Variants in ADGRG6 observed in about 807,000 individuals in gnomAD.
The protein encoded by ADGRG6 is G-protein coupled receptor 126.
In ADGRG6, 84 loss-of-function variants were observed where a neutral mutation model predicts 142.4. That is an observed-to-expected ratio of 0.59 (90% CI 0.49 to 0.71). The LOEUF (loss-of-function observed/expected upper bound fraction) is 0.71, where lower values mean the gene tolerates loss of function less well. Among genes scored for constraint, ADGRG6 ranks in the 30% least tolerant of loss-of-function variants. The pLI, the probability that ADGRG6 is intolerant of heterozygous loss-of-function variation, is 0.00. For missense variants in ADGRG6, 1,367 were observed against 1,466.6 expected (o/e 0.93, Z 1.11); for synonymous variants, 521 against 520.5 (o/e 1.00, Z -0.01).
chr6:142,440,421 C>T (rs1346935383), intron 24 of ADGRG6, among the ~76,000 whole-genome samples: 1 of 151,994 alleles, frequency 6.6e-6, no homozygotes, highest in Non-Finnish European at 1.5e-5. Context: ...CTCAGCCTCC[C>T]GAGTAGCTGG....
At chr6:142,394,987 A>G (rs926448323) in intron 9 of ADGRG6, among the ~76,000 whole-genome samples, 8 of 152,164 alleles carry the variant, frequency 5.3e-5, no homozygotes, top group African/African-American at 1.7e-4. Flanking sequence ...ATGGATATAC[A>G]GCCCTGATGA....
intron 1 of ADGRG6, among the ~76,000 whole-genome samples, chr6:142,305,470 A>ACACACACAC (rs1562296832): frequency 3.7e-5 from 5 of 135,440 alleles, no homozygotes; most frequent in African/African-American, 1.3e-4. Flanking sequence ...ACACACACAC[A>ACACACACAC]ATTTTTTTCT....
At chr6:142,380,877 C>T (rs1332817018) in intron 4 of ADGRG6, among the ~76,000 whole-genome samples, 4 of 152,196 alleles carry the variant, frequency 2.6e-5, no homozygotes, top group African/African-American at 4.8e-5. Context: ...CTGTACCTCA[C>T]ATAATGTAGG....
chr6:142,414,511 C>A (rs1776255144), intron 18 of ADGRG6, among the ~76,000 whole-genome samples: 1 of 152,198 alleles, frequency 6.6e-6, no homozygotes, highest in Admixed American at 6.5e-5. Flanking sequence ...GCACCAGCCT[C>A]TGGCTGAGCT....
At chr6:142,311,743 G>A (rs1379649260) in intron 2 of ADGRG6, among the ~76,000 whole-genome samples, 1 of 151,878 alleles carries the variant, frequency 6.6e-6, no homozygotes, top group Non-Finnish European at 1.5e-5. Context: ...CACTAAATCT[G>A]TATTGTCCAT....
chr6:142,396,935 G>C (rs1464219635), intron 9 of ADGRG6, among the ~76,000 whole-genome samples: 2 of 152,090 alleles, frequency 1.3e-5, no homozygotes, highest in African/African-American at 4.8e-5. Flanking sequence ...ACATTTCTTT[G>C]CTTCCCATAG....
intron 4 of ADGRG6, among the ~76,000 whole-genome samples, chr6:142,374,207 C>T (rs1781390936): frequency 6.6e-6 from 1 of 152,118 alleles, no homozygotes; most frequent in African/African-American, 2.4e-5. Context: ...TGAGAGTCCG[C>T]TTTGCTGAAC....
chr6:142,414,916 A>T, intron 18 of ADGRG6, 53 bp from the exon 19 acceptor site: 1 of 1,527,898 alleles, frequency 6.5e-7, no homozygotes, highest in Non-Finnish European at 8.8e-7. Context: ...GAAACAGAGA[A>T]CCATTCTCAT....
intron 21 of ADGRG6, among the ~76,000 whole-genome samples, chr6:142,419,095 ATAT>A (rs1196068888): frequency 2.0e-5 from 3 of 152,142 alleles, no homozygotes; most frequent in Non-Finnish European, 4.4e-5. Context: ...TACAGCAATG[ATAT>A]TAGTAGTAAT....
At chr6:142,341,515 C>T (rs566016826) in intron 2 of ADGRG6, among the ~76,000 whole-genome samples, 93 of 104,680 alleles carry the variant, frequency 8.9e-4, no homozygotes, top group African/African-American at 3.3e-3. Flanking sequence ...ATATATACTA[C>T]ATAATATTAT....
At position 142,367,632 on chromosome 6, in the gene ADGRG6, GCTACCCTAACGA is replaced by G; in HGVS notation, c.174_185del (p.Asp60_Asn63del). The G allele has an allele frequency of 6.2e-7, 1 of 1,613,724 alleles. No individual in the cohort carries two copies. Among genetic ancestry groups the G allele is most frequent in the Non-Finnish European group, 8.5e-7 (1 of 1,179,848 alleles). On this transcript the variant is annotated inframe_deletion, in exon 3 of 25. Coordinates refer to ENST00000367609, the MANE Select transcript of ADGRG6 (RefSeq NM_198569.3). ...CCTTCTGGGACCTTTACTTCTCCATGCTACCCTAACGACTACCCAAACAGCCAGGCTTGCATG... is the reference window on the plus strand; with the variant it reads ...CCTTCTGGGACCTTTACTTCTCCATGCTACCCAAACAGCCAGGCTTGCATG...
chr6:142,394,600 G>C (rs955366423), intron 9 of ADGRG6, among the ~76,000 whole-genome samples: 1 of 60,288 alleles, frequency 1.7e-5, no homozygotes, highest in African/African-American at 6.9e-5. Context: ...TTTTTTTTTT[G>C]AGACAGAGTC....
In ADGRG6 at chr6:142,398,663, C is replaced by T. The variant is rs566667145; in HGVS notation, c.1567+908C>T. 9.3e-4 allele frequency among the ~76,000 whole-genome samples: 142 copies of T among 152,154 alleles called. 1 individual carries two copies. The highest frequency in any genetic ancestry group is 3.3e-3 in the African/African-American group (138 of 41,522). ...TTCTATATCTTTGCACACTGTTCTT[C>T]TCCACTCCCACCGGCAACCTCATTA... On this transcript the variant is annotated intron_variant, in intron 10 of 24. Transcript: ENST00000367609.
chr6:142,438,353 A>G lies in ADGRG6; in HGVS notation c.3563A>G (p.Asn1188Ser), dbSNP rs1254688623. ...AGCTCTACCACCTATTTCAAAAGGA[A>G]TAGCCACACAGGTGAGTCTAAAGAT... ...KSSSTTYFKRNSHTDSASMDK... is the reference protein window; with the variant it reads ...KSSSTTYFKRSSHTDSASMDK... Residue 1188 changes from asparagine (N) to serine (S), a missense_variant, in exon 24 of 25, where the codon AAT becomes AGT. Asn to Ser is a conservative substitution (Grantham distance 46). Transcript: ENST00000367609. The G allele has an allele frequency of 3.7e-6, 6 of 1,607,310 alleles. No individual in the cohort carries two copies. The East Asian group carries it at 1.3e-4, about 36-fold the overall frequency.
chr6:142,307,890 C>A (rs1169077657), intron 1 of ADGRG6, among the ~76,000 whole-genome samples: 3 of 151,992 alleles, frequency 2.0e-5, no homozygotes, highest in African/African-American at 7.2e-5. Flanking sequence ...GATTTTAGAA[C>A]TTCTAGTTTG....
At chr6:142,382,865 C>CT (rs1320193533) in intron 5 of ADGRG6, among the ~76,000 whole-genome samples, 2 of 152,134 alleles carry the variant, frequency 1.3e-5, no homozygotes, top group African/African-American at 4.8e-5. Context: ...AAGCTCTCTT[C>CT]TGTGGTTCCA....
intron 18 of ADGRG6, among the ~76,000 whole-genome samples, chr6:142,413,746 T>C (rs1776210745): frequency 6.6e-6 from 1 of 152,126 alleles, no homozygotes; most frequent in Non-Finnish European, 1.5e-5. Context: ...TTTTAAGGGA[T>C]TCCTGGGATA....
At chr6:142,425,380 A>G (rs1426442215) in intron 22 of ADGRG6, among the ~76,000 whole-genome samples, 4 of 152,144 alleles carry the variant, frequency 2.6e-5, no homozygotes, top group Non-Finnish European at 5.9e-5. Context: ...GAAATTTAGG[A>G]AGCATGCTGC....
chr6:142,304,025 G>T (rs1318282133), intron 1 of ADGRG6, among the ~76,000 whole-genome samples: 1 of 152,034 alleles, frequency 6.6e-6, no homozygotes, highest in Non-Finnish European at 1.5e-5. Context: ...TTTACCAGAT[G>T]GTAAGTATAT....
Sources: allele counts gnomAD v4.1 joint callset (sites outside exome capture counted in the v4.1 genomes callset), GRCh38; gene constraint gnomAD v4.1.1; transcripts MANE v1.5; gene names NCBI Gene and HGNC (gene_info 2026-07-23, HGNC 2026-07-21).